Variants in PIK3R2 observed in about 807,000 individuals in gnomAD.
PIK3R2 encodes the protein phosphatidylinositol 3-kinase regulatory subunit beta.
PIK3R2 carries 40 observed loss-of-function variants against 78.5 expected under a neutral mutation model. That is an observed-to-expected ratio of 0.51 (90% CI 0.40 to 0.66). The LOEUF is 0.66. PIK3R2 is among the 30% of genes least tolerant of loss of function. PIK3R2 has a pLI of 0.00. For synonymous variants in PIK3R2, 473 were observed against 457.7 expected (o/e 1.03, Z -0.43); for missense variants, 880 against 1,026.6 (o/e 0.86, Z 1.95).
At chr19:18,166,109 A>G (rs1425436702) in intron 11 of PIK3R2, 51 bp from the exon 12 acceptor site, 1 of 1,612,062 alleles carries the variant, frequency 6.2e-7, no homozygotes, top group Admixed American at 1.7e-5. Flanking sequence ...ACCCCTCACG[A>G]GGGCCTTTTG....
rs1027629755 is a variant in PIK3R2, at chr19:18,160,927, A to G, written c.424A>G (p.Ser142Gly). The G allele has an allele frequency of 3.1e-6, 5 of 1,610,214 alleles. No homozygotes were observed. Among genetic ancestry groups the G allele is most frequent in the Non-Finnish European group, 4.2e-6 (5 of 1,178,794 alleles). ...GTCCCCTTCACCCCCAGGGCTGGAC[A>G]GCGAATCTCACTACCGCCCGGAGCT... ...VEAIERTGLDSESHYRPELPA... is the reference protein window; with the variant it reads ...VEAIERTGLDGESHYRPELPA... The change falls in exon 4 of 16, where the codon AGC (serine) becomes GGC (glycine). Residue 142 changes from serine (S) to glycine (G), a missense_variant. Physicochemically the swap from Ser to Gly is moderately conservative, Grantham distance 56 (BLOSUM62 0). Coordinates refer to ENST00000222254, the MANE Select transcript of PIK3R2 (RefSeq NM_005027.4).
In PIK3R2 at chr19:18,160,477, C is replaced by G. The variant is rs200357667; in HGVS notation, c.329C>G (p.Thr110Arg). The part of the protein sequence containing the change: ...PRDGAPEPGL[T>R]LPDLPEQFSP... ...CCCCTGTTTCCCCCACCAGGCCTCA[C>G]ACTCCCCGACTTGCCCGAGCAGTTC... Residue 110 changes from threonine to arginine, a missense_variant, in exon 3 of 16, where the codon ACA (threonine) becomes AGA (arginine). This residue lies in a region of PIK3R2 where 456 missense variants were observed against 486.6 expected (regional missense o/e 0.94). Coordinates refer to ENST00000222254, the MANE Select transcript of PIK3R2 (RefSeq NM_005027.4). 7 of 1,611,286 alleles carry G rather than the reference C, an allele frequency of 4.3e-6. No individual in the cohort carries two copies. In the African/African-American group the frequency reaches 9.3e-5, roughly 21 times the overall value.
Position 18,168,494 on chromosome 19 carries a change from G to T in PIK3R2, c.1756G>T (p.Ala586Ser), listed in dbSNP as rs761752973. Reference protein sequence around the residue: ...QYLVWLTQKGARQKKINEWLG... With the variant: ...QYLVWLTQKGSRQKKINEWLG... ...TCTCAGGTGGCTCACCCAGAAAGGC[G>T]CCCGGCAGAAGAAAATCAACGAGTG... Residue 586 changes from alanine (A) to serine (S), a missense_variant, in exon 14 of 16, where the codon GCC (alanine) becomes TCC (serine). Ala to Ser is a moderately conservative substitution (Grantham distance 99, BLOSUM62 1). Around this residue, in one of 3 missense-constraint regions of PIK3R2, gnomAD observed 268 missense variants for 299.1 expected, o/e 0.90. Coordinates refer to ENST00000222254, the MANE Select transcript of PIK3R2 (RefSeq NM_005027.4). The surrounding 1 kb of genome is among the most constrained non-coding windows in gnomAD (Gnocchi z 4.1). The T allele has an allele frequency of 2.6e-6, 2 of 780,624 alleles. No homozygotes were observed. Among genetic ancestry groups the T allele is most frequent in the South Asian group, 1.3e-5 (1 of 74,568 alleles). The allele number at this position is 780,624 out of a possible 1,614,324, so 48.4% of individuals were successfully genotyped here.
intron 11 of PIK3R2, among the ~76,000 whole-genome samples, chr19:18,163,933 C>G (rs2043779896): frequency 6.6e-6 from 1 of 152,100 alleles, no homozygotes. Context: ...TCGAGACCAA[C>G]TTGGCCAACA....
Position 18,155,980 on chromosome 19 carries a change from G to A in PIK3R2, c.101G>A (p.Ser34Asn), listed in dbSNP as rs1187227922. The change falls in exon 2 of 16, where the codon AGC becomes AAC. Residue 34 changes from serine to asparagine, a missense_variant. By Grantham distance (46) the Ser-to-Asn change is conservative. Transcript: ENST00000222254. Reference sequence around the variant, plus strand: ...CTGCCCGGCGACGTGCTGGTAGTGAGCCGGGCGGCCTTGCAGGCGCTGGGC... The same window carrying A: ...CTGCCCGGCGACGTGCTGGTAGTGAACCGGGCGGCCTTGCAGGCGCTGGGC... ...ELLPGDVLVV[S>N]RAALQALGVA... 1.3e-6 allele frequency: 2 copies of A among 1,561,862 alleles called. No homozygotes were observed. Among genetic ancestry groups the A allele is most frequent in the Admixed American group, 1.9e-5 (1 of 52,622 alleles).
chr19:18,166,365 GGGAA>G, intron 12 of PIK3R2, 63 bp downstream of exon 12: 1 of 1,456,706 alleles, frequency 6.9e-7, no homozygotes, highest in African/African-American at 1.4e-5. Flanking sequence ...AAGCCAGGGA[GGGAA>G]GGAAGCAGAA....
Position 18,153,229 on chromosome 19 carries a change from T to G in PIK3R2, c.-489T>G, listed in dbSNP as rs933972816. On this transcript the variant is annotated 5_prime_UTR_variant, in exon 1 of 16. Coordinates refer to ENST00000222254, the MANE Select transcript of PIK3R2 (RefSeq NM_005027.4). ...GCGGCTGCGGCGACGGTGGCCGCGGTGGAGCCACGGGGCGGGCTTGGCTTG... is the reference window on the plus strand; with the variant it reads ...GCGGCTGCGGCGACGGTGGCCGCGGGGGAGCCACGGGGCGGGCTTGGCTTG... 6.5e-3 allele frequency: 1,008 copies of G among 154,522 alleles called. 10 individuals carry two copies. The highest frequency in any genetic ancestry group is 0.024 in the African/African-American group (984 of 41,486). 9.6% of individuals were successfully genotyped at this position (154,522 alleles called of 1,614,324 possible).
At chr19:18,162,091 G>T (rs770009157) in intron 7 of PIK3R2, 40 bp downstream of exon 7, 2 of 1,585,382 alleles carry the variant, frequency 1.3e-6, no homozygotes, top group South Asian at 2.2e-5. Context: ...CCCGTTGGGG[G>T]CCGTAAATAC....
intron 2 of PIK3R2, among the ~76,000 whole-genome samples, chr19:18,158,668 C>T (rs2043706647): frequency 6.6e-6 from 1 of 152,084 alleles, no homozygotes; most frequent in Non-Finnish European, 1.5e-5. Flanking sequence ...GCCCATTTTT[C>T]ATTTGAAGGA....
Position 18,155,728 on chromosome 19 carries a change from C to T in PIK3R2, c.-152C>T, listed in dbSNP as rs2043670304. 4.9e-6 allele frequency: 3 copies of T among 615,240 alleles called. No individual in the cohort carries two copies. The highest frequency in any genetic ancestry group is 1.9e-5 in the African/African-American group (1 of 51,362). The allele number at this position is 615,240 out of a possible 1,614,324, so 38.1% of individuals were successfully genotyped here. ...GGAATAATTTGAAGCGAGGCATGAGCGGCCCCTGTGGTCGCCTGTGACTGC... is the reference window on the plus strand; with the variant it reads ...GGAATAATTTGAAGCGAGGCATGAGTGGCCCCTGTGGTCGCCTGTGACTGC... On this transcript the variant is annotated 5_prime_UTR_variant, in exon 2 of 16. Coordinates refer to ENST00000222254, the MANE Select transcript of PIK3R2 (RefSeq NM_005027.4).
chr19:18,160,642 C>CT, intron 3 of PIK3R2, 79 bp downstream of exon 3: 1 of 1,152,890 alleles, frequency 8.7e-7, no homozygotes, highest in Non-Finnish European at 1.3e-6. Context: ...CTCACAGGGC[C>CT]TCCAAGCTCA....
rs750980621 is a variant in PIK3R2 at position 18,156,240 on chromosome 19, C to G, written c.322+39C>G. On this transcript the variant is annotated intron_variant, in intron 2 of 15. Transcript: ENST00000222254. The surrounding 1 kb of genome is among the most constrained non-coding windows in gnomAD (Gnocchi z 4.2). The stretch of plus-strand genomic sequence containing the variant: ...AGGGGCCCTGGAAAGGGGGGTGGTC[C>G]CCTCAGACCCTTGGTCTCCTCTTCT... The G allele has an allele frequency of 7.8e-6, 11 of 1,404,436 alleles. No homozygotes were observed. Among genetic ancestry groups the G allele is most frequent in the East Asian group, 5.2e-5 (2 of 38,496 alleles). The allele number at this position is 1,404,436 out of a possible 1,614,324, so 87.0% of individuals were successfully genotyped here.
chr19:18,165,792 A>G (rs2043803917), intron 11 of PIK3R2, among the ~76,000 whole-genome samples: 1 of 152,148 alleles, frequency 6.6e-6, no homozygotes, highest in South Asian at 2.1e-4. Flanking sequence ...CTCTGTTAAT[A>G]GTTGTTACTT....
At chr19:18,159,828 G>C (rs1161217545) in intron 2 of PIK3R2, among the ~76,000 whole-genome samples, 1 of 152,030 alleles carries the variant, frequency 6.6e-6, no homozygotes, top group East Asian at 1.9e-4. Context: ...TGCAACCTCC[G>C]CCTCCCGGGT....
Position 18,167,337 on chromosome 19 carries a change from T to A in PIK3R2, c.1736+31T>A, listed in dbSNP as rs2147958130. On this transcript the variant is annotated intron_variant, in intron 13 of 15. Transcript: ENST00000222254. The surrounding 1 kb of genome is among the most constrained non-coding windows in gnomAD (Gnocchi z 4.5). ...TGGCGGCTCCATACTTCCCTGCGGC[T>A]CCCTGGCGACTGCTGCGGCACATGG... The A allele has an allele frequency of 6.6e-7, 1 of 1,517,774 alleles. No homozygotes were observed. 94.0% of individuals were successfully genotyped at this position (1,517,774 alleles called of 1,614,324 possible). A position where few individuals can be genotyped will look rare whatever the true frequency, so the allele number is the denominator to read the frequency against.
chr19:18,159,271 G>A (rs914156471), intron 2 of PIK3R2, among the ~76,000 whole-genome samples: 2 of 149,070 alleles, frequency 1.3e-5, no homozygotes, highest in Non-Finnish European at 3.0e-5. Flanking sequence ...GATTACAGAC[G>A]TGAGCCTTTG....
In PIK3R2 at chr19:18,163,484, A is replaced by C. The variant is rs980835740; in HGVS notation, c.1416+96A>C. 4.4e-6 allele frequency: 6 copies of C among 1,357,390 alleles called. No homozygotes were observed. The Admixed American group carries it at 1.1e-4, about 26-fold the overall frequency. The allele number at this position is 1,357,390 out of a possible 1,614,324, so 84.1% of individuals were successfully genotyped here. ...CCAACCCCAGAGGACTTGAGGATGA[A>C]TATCCAGTTGCAGGTCACAGAGCAG... On this transcript the variant is annotated intron_variant, in intron 11 of 15. Transcript: ENST00000222254.
In PIK3R2 at chr19:18,162,258, G is replaced by C; in HGVS notation, c.958G>C (p.Gly320Arg). The part of the protein sequence containing the change: ...KPASTVLANG[G>R]SPPSLQDAEW... Reference sequence around the variant, plus strand: ...GGCCTCCACAGTCCTGGCCAATGGAGGGAGCCCACCCTCCCTGCAGGATGC... The same window carrying C: ...GGCCTCCACAGTCCTGGCCAATGGACGGAGCCCACCCTCCCTGCAGGATGC... Residue 320 changes from glycine to arginine, a missense_variant, in exon 8 of 16, where the codon GGG becomes CGG. Around this residue, in one of 3 missense-constraint regions of PIK3R2, gnomAD observed 456 missense variants for 486.6 expected, o/e 0.94. Coordinates refer to ENST00000222254, the MANE Select transcript of PIK3R2 (RefSeq NM_005027.4). 3.1e-6 allele frequency: 5 copies of C among 1,611,546 alleles called. No individual in the cohort carries two copies. Among genetic ancestry groups the C allele is most frequent in the Non-Finnish European group, 4.2e-6 (5 of 1,178,062 alleles).
In PIK3R2 at chr19:18,156,881, C is replaced by T. The variant is rs577650285; in HGVS notation, c.322+680C>T. Among the ~76,000 whole-genome samples, 32 of 152,290 alleles carry T rather than the reference C, an allele frequency of 2.1e-4. No individual in the cohort carries two copies. The highest frequency in any genetic ancestry group is 1.6e-3 in the Admixed American group (25 of 15,302). ...GGGCACCGAGCCCACTCAGTGACTG[C>T]TGTTTGATGGGCAGGGAGTGTGGGC... On this transcript the variant is annotated intron_variant, in intron 2 of 15. Transcript: ENST00000222254. This position sits in a 1 kb window ranked among gnomAD's most constrained non-coding sequence, Gnocchi z 4.2.
Sources: gnomAD v4.1 joint callset for allele counts (sites outside exome capture counted in the v4.1 genomes callset) on GRCh38, gnomAD v4.1.1 for gene constraint, gnomAD v4.1.1 regional missense constraint, Gnocchi (gnomAD v3.1) non-coding constraint, MANE v1.5 for transcripts, NCBI Gene and HGNC (gene_info 2026-07-23, HGNC 2026-07-21) for gene names.